Variants in DLG2 observed in about 807,000 individuals in gnomAD.
DLG2 encodes discs large MAGUK scaffold protein 2.
In DLG2, 45 loss-of-function variants were observed where a neutral mutation model predicts 132.5. That is an observed-to-expected ratio of 0.34 (90% CI 0.27 to 0.44). The LOEUF (loss-of-function observed/expected upper bound fraction) is 0.44. DLG2 is among the 20% of genes least tolerant of loss of function. DLG2 has a pLI of 1.00. For synonymous variants in DLG2, 424 were observed against 419.6 expected, an observed-to-expected ratio of 1.01 and a Z score of -0.13; for missense variants, 1,045 against 1,196.9, an observed-to-expected ratio of 0.87 and a Z score of 1.87.
At chr11:83,817,621 T>C (rs1203981411) in intron 17 of DLG2, among the ~76,000 whole-genome samples, 1 of 152,176 alleles carries the variant, frequency 6.6e-6, no homozygotes, top group African/African-American at 2.4e-5. Flanking sequence ...ACACCTGTGA[T>C]CCCAGTGCTT....
At chr11:84,222,114 C>A (rs1468466493) in intron 8 of DLG2, among the ~76,000 whole-genome samples, 1 of 152,006 alleles carries the variant, frequency 6.6e-6, no homozygotes, top group Non-Finnish European at 1.5e-5. Flanking sequence ...CTCACTGCAA[C>A]CTCCACCTCC....
At chr11:84,822,806 T>C (rs1214255735) in intron 6 of DLG2, among the ~76,000 whole-genome samples, 6 of 151,950 alleles carry the variant, frequency 3.9e-5, no homozygotes, top group African/African-American at 1.4e-4. Flanking sequence ...AGGGATTAAA[T>C]GGGTAAAAGG....
chr11:84,328,706 A>G (rs2098444878), intron 7 of DLG2, among the ~76,000 whole-genome samples: 2 of 152,280 alleles, frequency 1.3e-5, no homozygotes, highest in South Asian at 4.1e-4. Context: ...TAATTCATCT[A>G]CAAATTGGCC....
intron 4 of DLG2, among the ~76,000 whole-genome samples, chr11:85,219,254 C>A (rs1274420993): frequency 6.6e-6 from 1 of 152,078 alleles, no homozygotes; most frequent in African/African-American, 2.4e-5. Flanking sequence ...ATAAAAGTTA[C>A]CTCTTCATAA....
intron 7 of DLG2, among the ~76,000 whole-genome samples, chr11:84,391,542 C>G (rs1316795775): frequency 6.6e-6 from 1 of 152,002 alleles, no homozygotes. Context: ...CGATATTTTA[C>G]CATAACCTAA....
intron 6 of DLG2, among the ~76,000 whole-genome samples, chr11:84,909,881 G>A (rs561556229): frequency 6.7e-4 from 102 of 152,266 alleles, no homozygotes; most frequent in African/African-American, 2.4e-3. Flanking sequence ...CGCATACCCA[G>A]CCAAATCCCT....
chr11:84,072,338 C>T (rs775201200), intron 10 of DLG2, among the ~76,000 whole-genome samples: 7 of 152,214 alleles, frequency 4.6e-5, no homozygotes, highest in Non-Finnish European at 8.8e-5. Context: ...TAGCCACCTC[C>T]AGACCCGGGT....
intron 6 of DLG2, among the ~76,000 whole-genome samples, chr11:84,685,180 G>A (rs1321316982): frequency 6.6e-6 from 1 of 152,132 alleles, no homozygotes; most frequent in African/African-American, 2.4e-5. Context: ...CCAGTTTTCT[G>A]ACAACCTATC....
intron 10 of DLG2, among the ~76,000 whole-genome samples, chr11:84,063,151 A>T (rs1016654817): frequency 7.9e-5 from 12 of 152,284 alleles, no homozygotes; most frequent in African/African-American, 2.9e-4. Flanking sequence ...CTTACTCTCC[A>T]ATCTCACTCT....
chr11:85,524,390 A>G (rs1248042256), intron 3 of DLG2, among the ~76,000 whole-genome samples: 1 of 152,184 alleles, frequency 6.6e-6, no homozygotes, highest in Non-Finnish European at 1.5e-5. Context: ...TGTACCCACA[A>G]AAATTAAAAA....
chr11:85,490,845 A>C (rs976506501), intron 3 of DLG2, among the ~76,000 whole-genome samples: 3 of 152,106 alleles, frequency 2.0e-5, no homozygotes, highest in Non-Finnish European at 4.4e-5. Flanking sequence ...TACCAAAAGT[A>C]CAAAGAAAAA....
intron 14 of DLG2, among the ~76,000 whole-genome samples, chr11:83,933,881 A>G (rs746155755): frequency 2.0e-5 from 3 of 152,262 alleles, no homozygotes; most frequent in Non-Finnish European, 4.4e-5. Flanking sequence ...TGGAAGGTGA[A>G]TAATGTGAAT....
chr11:83,499,898 T>TATATATATAA (rs1555113167), intron 21 of DLG2, among the ~76,000 whole-genome samples: 23 of 96,476 alleles, frequency 2.4e-4, no homozygotes, highest in Admixed American at 3.4e-4. Context: ...TATATATATA[T>TATATATATAA]CAGTTCTGTC....
intron 4 of DLG2, among the ~76,000 whole-genome samples, chr11:85,187,137 T>A (rs2152523273): frequency 6.6e-6 from 1 of 152,234 alleles, no homozygotes; most frequent in South Asian, 2.1e-4. Flanking sequence ...CACATCTCAG[T>A]GGCAATACTG....
intron 11 of DLG2, among the ~76,000 whole-genome samples, chr11:84,020,603 G>A (rs549947940): frequency 8.2e-4 from 125 of 152,312 alleles, no homozygotes; most frequent in African/African-American, 3.0e-3. Context: ...ACACAGGAAA[G>A]CAGTTTTATT....
At chr11:85,082,547 C>A (rs2067368740) in intron 6 of DLG2, among the ~76,000 whole-genome samples, 1 of 152,006 alleles carries the variant, frequency 6.6e-6, no homozygotes, top group African/African-American at 2.4e-5. Context: ...AGGTAAGTTG[C>A]ACCTTTATAT....
chr11:83,517,218 C>A (rs565431259), intron 21 of DLG2, among the ~76,000 whole-genome samples: 1 of 152,308 alleles, frequency 6.6e-6, no homozygotes, highest in Admixed American at 6.5e-5. Flanking sequence ...AGGCTTTGTG[C>A]ATTTCTTTTT....
intron 7 of DLG2, among the ~76,000 whole-genome samples, chr11:84,292,499 A>G (rs2098017224): frequency 6.6e-6 from 1 of 152,134 alleles, no homozygotes; most frequent in South Asian, 2.1e-4. Flanking sequence ...GAAATTGATA[A>G]TTTGAAGGGT....
At chr11:84,821,650 A>G (rs1468319717) in intron 6 of DLG2, among the ~76,000 whole-genome samples, 1 of 144,672 alleles carries the variant, frequency 6.9e-6, no homozygotes, top group Non-Finnish European at 1.5e-5. Flanking sequence ...AACAACAACA[A>G]CAAAAAAAAC....
Sources: allele counts gnomAD v4.1 joint callset (sites outside exome capture counted in the v4.1 genomes callset), GRCh38; gene constraint gnomAD v4.1.1; transcripts MANE v1.5; gene names NCBI Gene and HGNC (gene_info 2026-07-23, HGNC 2026-07-21).